Variants in ASTN2 observed in about 807,000 individuals in gnomAD.
ASTN2 encodes the protein astrotactin 2, also known as astrotactin-2.
A neutral mutation model predicts 139.8 loss-of-function variants in ASTN2; 54 were observed. The ratio of observed to expected loss-of-function variants is 0.39; its 90% CI spans 0.31 to 0.48. The LOEUF (loss-of-function observed/expected upper bound fraction) is 0.48, where lower values mean the gene tolerates loss of function less well. Ranked by LOEUF, ASTN2 falls within the 20% of genes least tolerant of loss-of-function variation. The pLI, the probability that ASTN2 is intolerant of heterozygous loss-of-function variation, is 0.95. For synonymous variants in ASTN2, 756 were observed against 719.5 expected, an observed-to-expected ratio of 1.05 and a Z score of -0.81; for missense variants, 1,565 against 1,725.1, an observed-to-expected ratio of 0.91 and a Z score of 1.64.
intron 16 of ASTN2, among the ~76,000 whole-genome samples, chr9:116,659,373 G>A (rs1382229458): frequency 6.6e-6 from 1 of 152,062 alleles, no homozygotes; most frequent in East Asian, 1.9e-4. Context: ...GCATAAATCT[G>A]ACTCCTGTCC....
At chr9:116,427,721 A>T (rs578237942) in intron 22 of ASTN2, among the ~76,000 whole-genome samples, 36 of 152,382 alleles carry the variant, frequency 2.4e-4, no homozygotes, top group Admixed American at 3.9e-4. Flanking sequence ...GTGCCTTTCA[A>T]AAAGTCCTCT....
At chr9:117,340,434 A>G (rs1829031619) in intron 1 of ASTN2, among the ~76,000 whole-genome samples, 1 of 151,958 alleles carries the variant, frequency 6.6e-6, no homozygotes, top group East Asian at 1.9e-4. Flanking sequence ...CCGGTTATAG[A>G]AGAAAAATGC....
intron 2 of ASTN2, among the ~76,000 whole-genome samples, chr9:117,247,516 G>A (rs1418813273): frequency 6.6e-6 from 1 of 152,220 alleles, no homozygotes; most frequent in African/African-American, 2.4e-5. Context: ...CTTCACAGGA[G>A]CAAGAGTCTT....
intron 6 of ASTN2, among the ~76,000 whole-genome samples, chr9:117,013,019 C>T (rs1232778031): frequency 6.6e-6 from 1 of 152,086 alleles, no homozygotes; most frequent in Non-Finnish European, 1.5e-5. Context: ...CTGCTCCCCT[C>T]CCCCCATCCC....
intron 1 of ASTN2, among the ~76,000 whole-genome samples, chr9:117,394,317 C>T (rs1830617741): frequency 6.6e-6 from 1 of 152,154 alleles, no homozygotes; most frequent in Non-Finnish European, 1.5e-5. Flanking sequence ...CCAAGAGTCA[C>T]ATGTGGCTAT....
At chr9:116,431,043 C>A (rs1396043) in intron 22 of ASTN2, among the ~76,000 whole-genome samples, 1 of 152,124 alleles carries the variant, frequency 6.6e-6, no homozygotes, top group Non-Finnish European at 1.5e-5. Context: ...TGAGGGAGGG[C>A]CACCACATAC....
At chr9:117,327,863 T>C (rs1828569384) in intron 1 of ASTN2, among the ~76,000 whole-genome samples, 1 of 152,294 alleles carries the variant, frequency 6.6e-6, no homozygotes, top group South Asian at 2.1e-4. Context: ...ACATAGTATG[T>C]CCCAGGTACT....
chr9:116,862,628 A>G (rs895348920), intron 11 of ASTN2, among the ~76,000 whole-genome samples: 8 of 152,206 alleles, frequency 5.3e-5, no homozygotes, highest in African/African-American at 1.9e-4. Flanking sequence ...GCAAGTTCAT[A>G]GAACTCCATC....
At chr9:116,722,170 T>C (rs1049667993) in intron 16 of ASTN2, among the ~76,000 whole-genome samples, 2 of 152,134 alleles carry the variant, frequency 1.3e-5, no homozygotes, top group African/African-American at 4.8e-5. Context: ...GATGAAATAT[T>C]GGGATACTAA....
intron 20 of ASTN2, among the ~76,000 whole-genome samples, chr9:116,471,324 A>C (rs567805185): frequency 2.0e-5 from 3 of 152,322 alleles, no homozygotes; most frequent in African/African-American, 7.2e-5. Flanking sequence ...CAAGCGAGAC[A>C]GCTTCCCGGC....
intron 4 of ASTN2, among the ~76,000 whole-genome samples, chr9:117,120,232 T>C (rs1829523603): frequency 6.6e-6 from 1 of 151,724 alleles, no homozygotes; most frequent in Admixed American, 6.6e-5. Flanking sequence ...CCCACACGTG[T>C]TCTGAGAACT....
At chr9:117,389,949 C>A (rs1402676342) in intron 1 of ASTN2, among the ~76,000 whole-genome samples, 1 of 151,696 alleles carries the variant, frequency 6.6e-6, no homozygotes, top group Non-Finnish European at 1.5e-5. Context: ...GCCAGGGAGG[C>A]CCTCTGGGGT....
At chr9:116,940,339 A>G (rs2150197) in intron 10 of ASTN2, among the ~76,000 whole-genome samples, 63,323 of 151,952 alleles carry the variant, frequency 0.42, 15,247 homozygotes, top group Non-Finnish European at 0.54. Context: ...CTGTAAGACA[A>G]CCTCAGACAA....
chr9:117,352,899 T>C (rs927223643), intron 1 of ASTN2, among the ~76,000 whole-genome samples: 2 of 152,170 alleles, frequency 1.3e-5, no homozygotes, highest in African/African-American at 4.8e-5. Flanking sequence ...GGCTAAGTGA[T>C]AGAAGCCAGA....
intron 10 of ASTN2, among the ~76,000 whole-genome samples, chr9:116,955,304 C>G (rs10983432): frequency 6.6e-6 from 1 of 152,224 alleles, no homozygotes; most frequent in Non-Finnish European, 1.5e-5. Flanking sequence ...AAATGGAAAC[C>G]ATTGTCCTCA....
chr9:117,329,011 G>C (rs776660339), intron 1 of ASTN2, among the ~76,000 whole-genome samples: 1 of 152,134 alleles, frequency 6.6e-6, no homozygotes. Flanking sequence ...ATTCAGAGAA[G>C]GAAAATGTGG....
At chr9:117,218,091 CCTG>C (rs1832391692) in intron 2 of ASTN2, among the ~76,000 whole-genome samples, 1 of 152,306 alleles carries the variant, frequency 6.6e-6, no homozygotes, top group African/African-American at 2.4e-5. Flanking sequence ...CTACTTAGCC[CCTG>C]CTCAGTCTCA....
intron 2 of ASTN2, among the ~76,000 whole-genome samples, chr9:117,267,921 G>A (rs1319210390): frequency 6.6e-6 from 1 of 152,190 alleles, no homozygotes; most frequent in Non-Finnish European, 1.5e-5. Flanking sequence ...CGAACCTCCA[G>A]CCAGAGCAGA....
chr9:117,093,563 T>A (rs921858059), intron 5 of ASTN2, among the ~76,000 whole-genome samples: 1 of 152,124 alleles, frequency 6.6e-6, no homozygotes, highest in African/African-American at 2.4e-5. Context: ...CTCACCTCTG[T>A]CCTGTGCCTT....
Sources: allele counts gnomAD v4.1 joint callset (sites outside exome capture counted in the v4.1 genomes callset), GRCh38; gene constraint gnomAD v4.1.1; transcripts MANE v1.5; gene names NCBI Gene and HGNC (gene_info 2026-07-23, HGNC 2026-07-21).